The following WDCP variants were observed in gnomAD, a reference collection of about 807,000 sequenced individuals.
The protein encoded by WDCP is WD repeat and coiled coil containing.
WDCP carries 19 observed loss-of-function variants against 41.6 expected under a neutral mutation model. The ratio of observed to expected loss-of-function variants is 0.46; its 90% confidence interval spans 0.32 to 0.67. The LOEUF is 0.67. Ranked by LOEUF, WDCP falls within the 30% of genes least tolerant of loss-of-function variation. WDCP has a pLI of 0.04. For synonymous variants in WDCP, 302 were observed against 320.8 expected (o/e 0.94, Z 0.63); for missense variants, 802 against 850.7 (o/e 0.94, Z 0.71).
chr2:24,046,177 T>A (rs1428248906), intron 1 of WDCP, among the ~76,000 whole-genome samples: 3 of 152,104 alleles, frequency 2.0e-5, no homozygotes, highest in Admixed American at 2.0e-4. Flanking sequence ...GAAATTAACA[T>A]GTGCTTCATG....
intron 2 of WDCP, among the ~76,000 whole-genome samples, chr2:24,037,448 C>T (rs763705603): frequency 1.1e-4 from 17 of 152,166 alleles, no homozygotes; most frequent in Non-Finnish European, 2.4e-4. Flanking sequence ...TATTTTTCCA[C>T]GTCATGCACC....
intron 2 of WDCP, 109 bp downstream of exon 2, chr2:24,037,568 T>C (rs899850148): frequency 8.0e-7 from 1 of 1,255,422 alleles, no homozygotes; most frequent in African/African-American, 1.5e-5. Flanking sequence ...ATGCCCAGCT[T>C]AGTGAAGCTC....
intron 2 of WDCP, 68 bp from the exon 3 acceptor site, chr2:24,033,014 G>A (rs1663143500): frequency 5.9e-6 from 6 of 1,017,634 alleles, no homozygotes; most frequent in East Asian, 2.4e-5. Context: ...TCTTAAGAAA[G>A]GAATGTGTAA....
chr2:24,043,446 G>T (rs1039768130), intron 1 of WDCP, among the ~76,000 whole-genome samples: 1 of 151,982 alleles, frequency 6.6e-6, no homozygotes. Flanking sequence ...TGGAGTTCGA[G>T]ACCAGAGATC....
intron 1 of WDCP, among the ~76,000 whole-genome samples, chr2:24,040,795 T>A (rs180817692): frequency 1.3e-5 from 2 of 152,230 alleles, no homozygotes; most frequent in Admixed American, 1.3e-4. Flanking sequence ...GACGGGAGGA[T>A]CACCTGAGGT....
At chr2:24,031,838 A>AG (rs1229809013) in intron 3 of WDCP, among the ~76,000 whole-genome samples, 1 of 151,544 alleles carries the variant, frequency 6.6e-6, no homozygotes, top group East Asian at 2.0e-4. Flanking sequence ...AAAAAAAAAA[A>AG]GAAAGAAAGA....
At position 24,038,989 on chromosome 2, in the gene WDCP, A is replaced by T. The variant is rs776250480; in HGVS notation, c.506T>A (p.Leu169Gln). The change falls in exon 2 of 4, where the codon CTG (leucine) becomes CAG (glutamine). Residue 169 changes from leucine to glutamine, a missense_variant. Physicochemically the swap from Leu to Gln is moderately radical, Grantham distance 113. Coordinates refer to ENST00000295148, the MANE Select transcript of WDCP (RefSeq NM_025203.3). ...IHCACWTQDGLRLVVAVGSSL... is the reference protein window; with the variant it reads ...IHCACWTQDGQRLVVAVGSSL... ...GCTGCCTACTGCCACCACCAGCCTC[A>T]GGCCATCCTGGGTCCAACATGCACA... The T allele has an allele frequency of 1.1e-5, 18 of 1,614,208 alleles. No homozygotes were observed. The Admixed American group carries it at 3.0e-4, about 27-fold the overall frequency.
intron 1 of WDCP, among the ~76,000 whole-genome samples, chr2:24,044,182 T>C (rs1663540002): frequency 6.6e-6 from 1 of 151,892 alleles, no homozygotes; most frequent in Non-Finnish European, 1.5e-5. Context: ...AAATTCTGTC[T>C]AATGTCAATG....
At chr2:24,033,216 TA>T (rs1218729525) in intron 2 of WDCP, 2 of 545,750 alleles carry the variant, frequency 3.7e-6, no homozygotes, top group Non-Finnish European at 7.2e-6. Context: ...CTAATAACAC[TA>T]AAAGGATGAT....
In WDCP at chr2:24,038,407, A is replaced by G. The variant is rs779527289; in HGVS notation, c.1088T>C (p.Ile363Thr). Residue 363 changes from isoleucine (I) to threonine (T), a missense_variant, in exon 2 of 4, where the codon ATA (isoleucine) becomes ACA (threonine). Transcript: ENST00000295148. ...TGGAATGACAGAGTAGATCAAAATT[A>G]TATTACAAGTGTTGGAAGCCACTGC... ...VVAVASNTCN[I>T]ILIYSVIPSS... is the part of the protein sequence containing the mutation. 2.5e-6 allele frequency: 4 copies of G among 1,614,086 alleles called. No individual in the cohort carries two copies. The African/African-American group carries it at 4.0e-5, about 16-fold the overall frequency.
chr2:24,036,642 C>T (rs182884507), intron 2 of WDCP, among the ~76,000 whole-genome samples: 2 of 152,296 alleles, frequency 1.3e-5, no homozygotes, highest in East Asian at 3.9e-4. Flanking sequence ...AGTACTACTG[C>T]AGCATCATTT....
intron 2 of WDCP, among the ~76,000 whole-genome samples, chr2:24,037,330 C>CT (rs1307621575): frequency 6.6e-6 from 1 of 152,176 alleles, no homozygotes; most frequent in East Asian, 1.9e-4. Flanking sequence ...GCAACATAAC[C>CT]TTTTTTATAA....
rs1300732043 is a variant in WDCP, at chr2:24,038,431, G to A, written c.1064C>T (p.Ala355Val). 1 of 1,614,114 alleles carries A rather than the reference G, an allele frequency of 6.2e-7. No individual in the cohort carries two copies. The highest frequency in any genetic ancestry group is 8.5e-7 in the Non-Finnish European group (1 of 1,179,998). ...TATATTACAAGTGTTGGAAGCCACT[G>A]CCACTACGTGGGCTTTAAGATTAAA... ...IAFNLKAHVV[A>V]VASNTCNIIL... Residue 355 changes from alanine to valine, a missense_variant, in exon 2 of 4, where the codon GCA becomes GTA. Ala to Val is a moderately conservative substitution (Grantham distance 64, BLOSUM62 0). Transcript: ENST00000295148.
chr2:24,039,534 G>T, intron 1 of WDCP, 22 bp from the exon 2 acceptor site: 1 of 1,588,506 alleles, frequency 6.3e-7, no homozygotes, highest in African/African-American at 1.3e-5. Flanking sequence ...AAGAAGGAAA[G>T]TTACACCATG....
chr2:24,032,146 C>T (rs775875968), intron 3 of WDCP, among the ~76,000 whole-genome samples: 2 of 152,152 alleles, frequency 1.3e-5, no homozygotes, highest in Non-Finnish European at 2.9e-5. Context: ...CCAAGGTGGA[C>T]GGATCACTTG....
intron 1 of WDCP, among the ~76,000 whole-genome samples, chr2:24,042,128 G>A (rs1558336682): frequency 6.6e-6 from 1 of 152,010 alleles, no homozygotes; most frequent in African/African-American, 2.4e-5. Flanking sequence ...AAGCCTGGGT[G>A]TGGCAGCTCA....
At position 24,030,892 on chromosome 2, in the gene WDCP, G is replaced by A. The variant is rs759665546; in HGVS notation, c.*41C>T. On this transcript the variant is annotated 3_prime_UTR_variant, in exon 4 of 4. Coordinates refer to ENST00000295148, the MANE Select transcript of WDCP (RefSeq NM_025203.3). ...GTGTCAAGCAGGCCTTGTTTGTAATGGTCTCATCTGAAGAGCTACACAGCA... is the reference window on the plus strand; with the variant it reads ...GTGTCAAGCAGGCCTTGTTTGTAATAGTCTCATCTGAAGAGCTACACAGCA... 7 of 1,464,636 alleles carry A rather than the reference G, an allele frequency of 4.8e-6. No homozygotes were observed. Among genetic ancestry groups the A allele is most frequent in the African/African-American group, 2.8e-5 (2 of 71,470 alleles). The allele number at this position is 1,464,636 out of a possible 1,614,324, so 90.7% of individuals were successfully genotyped here.
chr2:24,041,381 C>T (rs1369017394), intron 1 of WDCP, among the ~76,000 whole-genome samples: 1 of 151,866 alleles, frequency 6.6e-6, no homozygotes, highest in Non-Finnish European at 1.5e-5. Context: ...CAGTGCCAGC[C>T]CCTTTAGCTC....
intron 1 of WDCP, among the ~76,000 whole-genome samples, chr2:24,042,419 C>T (rs1347766598): frequency 6.6e-6 from 1 of 151,848 alleles, no homozygotes; most frequent in East Asian, 1.9e-4. Flanking sequence ...GCCTGTAGTC[C>T]CAGCTACTCG....
Sources: gnomAD v4.1 joint callset for allele counts (sites outside exome capture counted in the v4.1 genomes callset) on GRCh38, gnomAD v4.1.1 for gene constraint, MANE v1.5 for transcripts, NCBI Gene and HGNC (gene_info 2026-07-23, HGNC 2026-07-21) for gene names.